The following CKAP2L variants were observed in gnomAD, a reference collection of about 807,000 sequenced individuals.
The protein encoded by CKAP2L is cytoskeleton associated protein 2L.
CKAP2L carries 42 observed loss-of-function variants against 65.7 expected under a neutral mutation model. The observed-to-expected ratio is 0.64, with a 90% CI of 0.50 to 0.83. The LOEUF is 0.83. Ranked by LOEUF, CKAP2L falls within the 40% of genes least tolerant of loss-of-function variation. The pLI, the probability that CKAP2L is intolerant of heterozygous loss-of-function variation, is 0.00. For missense variants in CKAP2L, 908 were observed against 871.0 expected (o/e 1.04, Z -0.53); for synonymous variants, 325 against 313.5 (o/e 1.04, Z -0.39).
chr2:112,759,333 TGTTA>T (rs1168820282), intron 3 of CKAP2L, among the ~76,000 whole-genome samples: 1 of 152,250 alleles, frequency 6.6e-6, no homozygotes, highest in East Asian at 1.9e-4. Context: ...CATGTCTGGG[TGTTA>T]GTTATTGTTG....
chr2:112,762,102 A>G (rs546441844), intron 2 of CKAP2L, among the ~76,000 whole-genome samples: 54 of 152,352 alleles, frequency 3.5e-4, no homozygotes, highest in African/African-American at 1.3e-3. Context: ...TCACTCTGCT[A>G]CGGAGGATTG....
At chr2:112,753,467 C>T (rs116444206) in intron 4 of CKAP2L, among the ~76,000 whole-genome samples, 2,676 of 151,812 alleles carry the variant, frequency 0.018, 79 homozygotes, top group African/African-American at 0.061. Flanking sequence ...CCTCGTATCA[C>T]ACTAGTCTCC....
At chr2:112,744,971 T>C (rs1015254209) in intron 6 of CKAP2L, among the ~76,000 whole-genome samples, 1 of 151,718 alleles carries the variant, frequency 6.6e-6, no homozygotes, top group African/African-American at 2.4e-5. Context: ...ATGAAAAACA[T>C]TGGAGAAGAA....
At chr2:112,752,980 A>G (rs954681448) in intron 4 of CKAP2L, among the ~76,000 whole-genome samples, 4 of 152,112 alleles carry the variant, frequency 2.6e-5, no homozygotes, top group African/African-American at 9.7e-5. Flanking sequence ...CTAGACCTAT[A>G]AAGTCAGGGC....
At chr2:112,762,259 G>A (rs1680744997) in intron 2 of CKAP2L, among the ~76,000 whole-genome samples, 3 of 152,200 alleles carry the variant, frequency 2.0e-5, no homozygotes, top group African/African-American at 4.8e-5. Context: ...AGGTAATACT[G>A]ACCCTTCTTC....
At position 112,736,462 on chromosome 2, in the gene CKAP2L, TCA is replaced by T. The variant is rs774435958; in HGVS notation, c.*2359_*2360del. 6.6e-5 allele frequency: 10 copies of T among 152,372 alleles called. No individual in the cohort carries two copies. In the East Asian group the frequency reaches 9.6e-4, roughly 15 times the overall value. 9.4% of individuals were successfully genotyped at this position (152,372 alleles called of 1,614,324 possible). A position where few individuals can be genotyped will look rare whatever the true frequency, so the allele number is the denominator to read the frequency against. ...AGTGAAGCAGATTAACATTATCATCTCAGTTTTTTTGTGATAATAGCAGCTAA... is the reference window on the plus strand; with the variant it reads ...AGTGAAGCAGATTAACATTATCATCTGTTTTTTTGTGATAATAGCAGCTAA... On this transcript the variant is annotated 3_prime_UTR_variant, in exon 9 of 9. Coordinates refer to ENST00000302450, the MANE Select transcript of CKAP2L (RefSeq NM_152515.5).
At chr2:112,754,074 T>G (rs187179365) in intron 4 of CKAP2L, among the ~76,000 whole-genome samples, 1 of 152,316 alleles carries the variant, frequency 6.6e-6, no homozygotes, top group Admixed American at 6.5e-5. Flanking sequence ...AAAATTCACC[T>G]TTTAGTGTGC....
chr2:112,760,724 G>A lies in CKAP2L; in HGVS notation c.145C>T (p.Pro49Ser), dbSNP rs746463629. Residue 49 changes from proline (P) to serine (S), a missense_variant, in exon 3 of 9, where the codon CCT (proline) becomes TCT (serine). Coordinates refer to ENST00000302450, the MANE Select transcript of CKAP2L (RefSeq NM_152515.5). ...KSKNNCQNQP[P>S]SKSTIRPKND... is the part of the protein sequence containing the mutation. Reference sequence around the variant, plus strand: ...TAATTTCTACTTACAGATTTAGAAGGTGGTTGATTCTGGCAATTATTCTTG... The same window carrying A: ...TAATTTCTACTTACAGATTTAGAAGATGGTTGATTCTGGCAATTATTCTTG... 1 of 1,492,662 alleles carries A rather than the reference G, an allele frequency of 6.7e-7. No homozygotes were observed. The highest frequency in any genetic ancestry group is 9.2e-7 in the Non-Finnish European group (1 of 1,084,048). 92.5% of individuals were successfully genotyped at this position (1,492,662 alleles called of 1,614,324 possible).
intron 6 of CKAP2L, among the ~76,000 whole-genome samples, chr2:112,745,751 A>G (rs980455124): frequency 2.0e-5 from 3 of 152,158 alleles, no homozygotes; most frequent in African/African-American, 7.2e-5. Context: ...ACTCTAATGA[A>G]AGTATAAGGA....
At chr2:112,744,557 G>A (rs1680140042) in intron 6 of CKAP2L, among the ~76,000 whole-genome samples, 2 of 152,180 alleles carry the variant, frequency 1.3e-5, no homozygotes, top group Admixed American at 1.3e-4. Context: ...AGTCTCTGAG[G>A]GATATCATGC....
intron 6 of CKAP2L, 135 bp from the exon 7 acceptor site, chr2:112,742,904 T>C (rs929984959): frequency 4.9e-6 from 3 of 613,582 alleles, no homozygotes; most frequent in Admixed American, 3.3e-5. Flanking sequence ...AAATCTTTTG[T>C]CTAGCTTGAC....
chr2:112,756,424 G>A lies in CKAP2L; in HGVS notation c.947C>T (p.Thr316Ile). 6.2e-7 allele frequency: 1 copy of A among 1,613,924 alleles called. No individual in the cohort carries two copies. Among genetic ancestry groups the A allele is most frequent in the Admixed American group, 1.7e-5 (1 of 59,990 alleles). ...AGTAACAGGGTATGACCGTATCTTA[G>A]TTTCATTTGGTCTTTCATATTGACT... is the stretch of plus-strand genomic sequence containing the variant. ...NRSQYERPNE[T>I]KIRSYPVTEQ... Residue 316 changes from threonine to isoleucine, a missense_variant, in exon 4 of 9, where the codon ACT becomes ATT. Transcript: ENST00000302450.
At chr2:112,761,390 G>C (rs1233149316) in intron 2 of CKAP2L, among the ~76,000 whole-genome samples, 3 of 150,574 alleles carry the variant, frequency 2.0e-5, no homozygotes, top group Non-Finnish European at 2.9e-5. Context: ...GAAACTGGGA[G>C]GCAGAGCTTG....
intron 6 of CKAP2L, chr2:112,742,979 C>T (rs1194293371): frequency 1.9e-6 from 1 of 534,130 alleles, no homozygotes; most frequent in African/African-American, 1.9e-5. Flanking sequence ...TTGGCACACT[C>T]GACTTAATGA....
Position 112,757,227 on chromosome 2 carries a change from A to G in CKAP2L, c.157-13T>C, listed in dbSNP as rs1302446151. 1 of 1,540,524 alleles carries G rather than the reference A, an allele frequency of 6.5e-7. No homozygotes were observed. The highest frequency in any genetic ancestry group is 2.3e-5 in the East Asian group (1 of 44,212). ...TGGGTCTAATAGTCTGAAAAAACAA[A>G]GAAAATACATATTAAAAAATCCTTA... On this transcript the variant is annotated splice_polypyrimidine_tract_variant and intron_variant, in intron 3 of 8. Transcript: ENST00000302450.
intron 6 of CKAP2L, among the ~76,000 whole-genome samples, chr2:112,745,112 C>T (rs1309691423): frequency 2.0e-5 from 3 of 152,038 alleles, no homozygotes; most frequent in Non-Finnish European, 4.4e-5. Flanking sequence ...GTGAAGACGG[C>T]AGTAAAAAGT....
chr2:112,758,872 T>A (rs1248524127), intron 3 of CKAP2L, among the ~76,000 whole-genome samples: 1 of 152,164 alleles, frequency 6.6e-6, no homozygotes, highest in Non-Finnish European at 1.5e-5. Flanking sequence ...AGAAACTTGG[T>A]TTACTTGTTG....
intron 8 of CKAP2L, among the ~76,000 whole-genome samples, chr2:112,739,680 G>A (rs1161464726): frequency 6.6e-6 from 1 of 152,084 alleles, no homozygotes; most frequent in Non-Finnish European, 1.5e-5. Flanking sequence ...TTAAAGACAG[G>A]GTCTCACTCT....
At chr2:112,754,172 T>C (rs1439851925) in intron 4 of CKAP2L, among the ~76,000 whole-genome samples, 1 of 152,220 alleles carries the variant, frequency 6.6e-6, no homozygotes, top group African/African-American at 2.4e-5. Context: ...ACTAATTCCC[T>C]CATGCTCCTT....
Sources: gnomAD v4.1 joint callset for allele counts (sites outside exome capture counted in the v4.1 genomes callset) on GRCh38, gnomAD v4.1.1 for gene constraint, MANE v1.5 for transcripts, NCBI Gene and HGNC (gene_info 2026-07-23, HGNC 2026-07-21) for gene names.